Variants in CNTN5 observed in about 807,000 individuals in gnomAD.
CNTN5 encodes contactin 5.
Under a neutral mutation model 129.1 loss-of-function variants are expected in CNTN5, and 77 were observed. That is an observed-to-expected ratio of 0.60 (90% CI 0.50 to 0.72). CNTN5 has a LOEUF of 0.72. CNTN5 is among the 30% of genes least tolerant of loss of function. CNTN5 has a pLI of 0.00. For missense variants in CNTN5, 1,478 were observed against 1,328.8 expected (o/e 1.11, Z -1.75); for synonymous variants, 509 against 465.6 (o/e 1.09, Z -1.20).
intron 20 of CNTN5, among the ~76,000 whole-genome samples, chr11:100,306,848 T>C (rs1951361063): frequency 6.6e-6 from 1 of 151,634 alleles, no homozygotes; most frequent in Non-Finnish European, 1.5e-5. Context: ...TAATAAAAAA[T>C]ATTCAAAAGG....
intron 8 of CNTN5, among the ~76,000 whole-genome samples, chr11:99,973,417 G>A (rs1470726730): frequency 1.3e-5 from 2 of 152,184 alleles, no homozygotes; most frequent in African/African-American, 4.8e-5. Flanking sequence ...GGTGATAGTT[G>A]TTCTTTCCAC....
intron 2 of CNTN5, among the ~76,000 whole-genome samples, chr11:99,508,320 T>C (rs555387878): frequency 3.3e-5 from 5 of 152,316 alleles, no homozygotes; most frequent in Non-Finnish European, 5.9e-5. Flanking sequence ...TTTCCCCAGC[T>C]ACTGGGTAAT....
chr11:99,099,296 A>C (rs923258354), intron 1 of CNTN5, among the ~76,000 whole-genome samples: 1 of 152,170 alleles, frequency 6.6e-6, no homozygotes. Context: ...CTGCTAAAAA[A>C]TACTTCAAGG....
At chr11:100,117,958 C>G (rs1486443817) in intron 13 of CNTN5, among the ~76,000 whole-genome samples, 1 of 151,656 alleles carries the variant, frequency 6.6e-6, no homozygotes, top group Non-Finnish European at 1.5e-5. Flanking sequence ...CTGATTTGGC[C>G]TGTGTAGCAG....
intron 3 of CNTN5, among the ~76,000 whole-genome samples, chr11:99,598,351 T>C (rs1481367720): frequency 0.018 from 836 of 46,398 alleles, 173 homozygotes; most frequent in Non-Finnish European, 0.022. Context: ...TCTCTCTCTC[T>C]CTCTCTCTCT....
chr11:99,516,792 T>G (rs1375562607), intron 2 of CNTN5, among the ~76,000 whole-genome samples: 1 of 152,140 alleles, frequency 6.6e-6, no homozygotes, highest in Non-Finnish European at 1.5e-5. Context: ...AATGTTAGTA[T>G]TAAAAATGTA....
chr11:100,046,650 T>C (rs1387627310), intron 9 of CNTN5, among the ~76,000 whole-genome samples: 1 of 152,188 alleles, frequency 6.6e-6, no homozygotes. Flanking sequence ...AACATATGTA[T>C]TCATTATTCT....
intron 2 of CNTN5, among the ~76,000 whole-genome samples, chr11:99,494,450 T>C (rs1415103535): frequency 6.6e-6 from 1 of 152,186 alleles, no homozygotes; most frequent in Non-Finnish European, 1.5e-5. Context: ...GGATAAATAA[T>C]TGCTTCACAA....
At chr11:99,106,854 A>T (rs1867021633) in intron 1 of CNTN5, among the ~76,000 whole-genome samples, 1 of 152,148 alleles carries the variant, frequency 6.6e-6, no homozygotes, top group Non-Finnish European at 1.5e-5. Flanking sequence ...GATGTCCGCT[A>T]AAAGGTATTA....
chr11:99,094,235 C>T (rs1176870748), intron 1 of CNTN5, among the ~76,000 whole-genome samples: 4 of 151,766 alleles, frequency 2.6e-5, no homozygotes, highest in African/African-American at 9.7e-5. Flanking sequence ...CAATATAATG[C>T]ATTATTGATT....
chr11:99,556,104 T>C, intron 2 of CNTN5, 41 bp from the exon 3 acceptor site: 1 of 525,742 alleles, frequency 1.9e-6, no homozygotes, highest in Non-Finnish European at 3.3e-6. Flanking sequence ...TCTGTTTGTT[T>C]ATTTCCTCTG....
At chr11:99,203,325 T>C (rs1859310998) in intron 1 of CNTN5, among the ~76,000 whole-genome samples, 1 of 152,176 alleles carries the variant, frequency 6.6e-6, no homozygotes, top group Non-Finnish European at 1.5e-5. Flanking sequence ...TATATTGCTT[T>C]ATGTACTATT....
chr11:99,694,208 C>T (rs1027780496), intron 3 of CNTN5, among the ~76,000 whole-genome samples: 8 of 152,016 alleles, frequency 5.3e-5, no homozygotes, highest in East Asian at 1.9e-4. Context: ...ACTTAGAGTT[C>T]GTGCTATACT....
At chr11:99,238,810 T>C (rs1861405671) in intron 1 of CNTN5, among the ~76,000 whole-genome samples, 3 of 152,162 alleles carry the variant, frequency 2.0e-5, no homozygotes, top group Admixed American at 2.0e-4. Flanking sequence ...ATAGATGGTT[T>C]ACAATGATTA....
chr11:99,563,526 A>G (rs1948908475), intron 3 of CNTN5, among the ~76,000 whole-genome samples: 1 of 152,220 alleles, frequency 6.6e-6, no homozygotes, highest in South Asian at 2.1e-4. Flanking sequence ...TAGCTTTTGC[A>G]GCATAACAAA....
At chr11:99,941,842 T>A (rs1950445802) in intron 7 of CNTN5, among the ~76,000 whole-genome samples, 1 of 152,112 alleles carries the variant, frequency 6.6e-6, no homozygotes, top group African/African-American at 2.4e-5. Flanking sequence ...GACAGTGTTG[T>A]AGTTAAAAAG....
chr11:99,589,530 G>A (rs964728761), intron 3 of CNTN5, among the ~76,000 whole-genome samples: 1 of 152,106 alleles, frequency 6.6e-6, no homozygotes, highest in Non-Finnish European at 1.5e-5. Flanking sequence ...AATAGAAAAT[G>A]AATCAAAGGT....
intron 15 of CNTN5, among the ~76,000 whole-genome samples, chr11:100,214,574 G>T (rs1415662401): frequency 6.6e-6 from 1 of 152,152 alleles, no homozygotes; most frequent in African/African-American, 2.4e-5. Context: ...CTACGTGGAA[G>T]GTCACCTTTT....
rs543478047 is a variant in CNTN5 at position 99,476,600 on chromosome 11, G to A, written c.-70-79545G>A. Among the ~76,000 whole-genome samples the A allele has an allele frequency of 3.2e-4, 48 of 152,168 alleles. No homozygotes were observed. The South Asian group carries it at 9.1e-3, about 29-fold the overall frequency. On this transcript the variant is annotated intron_variant, in intron 2 of 24. Transcript: ENST00000524871. ...AGAACTTAGTCTTTAAAGCTAATTGGCATATGTAGCAATAAGCATTCATAA... is the reference window on the plus strand; with the variant it reads ...AGAACTTAGTCTTTAAAGCTAATTGACATATGTAGCAATAAGCATTCATAA...
Sources: allele counts gnomAD v4.1 joint callset (sites outside exome capture counted in the v4.1 genomes callset), GRCh38; gene constraint gnomAD v4.1.1; transcripts MANE v1.5; gene names NCBI Gene and HGNC (gene_info 2026-07-23, HGNC 2026-07-21).